Variants in CPNE5 observed in about 807,000 individuals in gnomAD.
The protein encoded by CPNE5 is copine 5.
A neutral mutation model predicts 81.1 loss-of-function variants in CPNE5; 42 were observed. The observed-to-expected ratio is 0.52, with a 90% CI of 0.40 to 0.67. The LOEUF is 0.67. CPNE5 is among the 30% of genes least tolerant of loss of function. CPNE5 has a pLI of 0.00. For synonymous variants in CPNE5, 313 were observed against 321.5 expected, an observed-to-expected ratio of 0.97 and a Z score of 0.28; for missense variants, 612 against 815.5, an observed-to-expected ratio of 0.75 and a Z score of 3.04.
Position 36,745,510 on chromosome 6 carries a change from G to A in CPNE5, c.1206C>T (p.Gly402=). 4 of 1,599,318 alleles carry A rather than the reference G, an allele frequency of 2.5e-6. No homozygotes were observed. Among genetic ancestry groups the A allele is most frequent in the Non-Finnish European group, 3.4e-6 (4 of 1,173,208 alleles). ...CACAGCATGAGGGGTTCTCCTGGTT[G>A]CCATTCTGGGGGACAGAGGGCAGGG... ...GRVSHEFPLN[G]NQENPSCCGI... Residue 402 remains glycine, a synonymous_variant, in exon 17 of 21, where the codon GGC becomes GGT. Transcript: ENST00000244751.
chr6:36,769,517 G>T (rs1308475112), intron 10 of CPNE5, among the ~76,000 whole-genome samples: 1 of 152,244 alleles, frequency 6.6e-6, no homozygotes. Flanking sequence ...CCTCTGCCTG[G>T]CAGGGGGAAG....
In CPNE5 at chr6:36,813,485, C is replaced by T. The variant is rs142754027; in HGVS notation, c.183+8629G>A. Reference sequence around the variant, plus strand: ...GGCAGAGGTTTCAGTGAGCTGAGATCGAGCCATTGCACTCCAGCCTGGGCA... The same window carrying T: ...GGCAGAGGTTTCAGTGAGCTGAGATTGAGCCATTGCACTCCAGCCTGGGCA... On this transcript the variant is annotated intron_variant, in intron 3 of 20. Coordinates refer to ENST00000244751, the MANE Select transcript of CPNE5 (RefSeq NM_020939.2). 2.2e-3 allele frequency among the ~76,000 whole-genome samples: 329 copies of T among 152,228 alleles called. 1 individual carries two copies. Among genetic ancestry groups the T allele is most frequent in the Middle Eastern group, 0.01 (3 of 294 alleles).
At chr6:36,819,575 G>A (rs1447116096) in intron 3 of CPNE5, among the ~76,000 whole-genome samples, 1 of 152,208 alleles carries the variant, frequency 6.6e-6, no homozygotes, top group East Asian at 1.9e-4. Flanking sequence ...CATTAATAAA[G>A]CCTGGGTTAC....
intron 1 of CPNE5, among the ~76,000 whole-genome samples, chr6:36,834,845 C>T (rs1002444642): frequency 3.9e-5 from 6 of 152,096 alleles, no homozygotes; most frequent in East Asian, 1.9e-4. Context: ...TGACAGCTGC[C>T]GCCCTCCCCC....
At chr6:36,819,396 G>A (rs59432677) in intron 3 of CPNE5, among the ~76,000 whole-genome samples, 3,420 of 152,326 alleles carry the variant, frequency 0.022, 65 homozygotes, top group African/African-American at 0.046. Context: ...CACGGCGTCT[G>A]GCCCCCACAT....
At chr6:36,794,541 C>T in intron 7 of CPNE5, 49 bp downstream of exon 7, 1 of 1,566,012 alleles carries the variant, frequency 6.4e-7, no homozygotes, top group African/African-American at 1.4e-5. Flanking sequence ...CTTTGCAGAG[C>T]TGGCTGAATG....
chr6:36,752,838 T>C (rs1300430607), intron 14 of CPNE5, among the ~76,000 whole-genome samples, 196 bp downstream of exon 14: 1 of 152,242 alleles, frequency 6.6e-6, no homozygotes. Flanking sequence ...CCCTCCAAGC[T>C]GCTTGGGATC....
At chr6:36,788,688 G>GTATTAC (rs61131240) in intron 8 of CPNE5, among the ~76,000 whole-genome samples, 1 of 152,006 alleles carries the variant, frequency 6.6e-6, no homozygotes, top group Admixed American at 6.5e-5. Flanking sequence ...TTTTACTGCT[G>GTATTAC]AGCAGAATTG....
intron 7 of CPNE5, among the ~76,000 whole-genome samples, chr6:36,792,728 C>T (rs1480609178): frequency 6.6e-6 from 1 of 152,152 alleles, no homozygotes; most frequent in Admixed American, 6.5e-5. Context: ...GTCGGTCCAC[C>T]CCAGCACATC....
chr6:36,813,102 G>T (rs1771241610), intron 3 of CPNE5, among the ~76,000 whole-genome samples: 2 of 152,206 alleles, frequency 1.3e-5, no homozygotes, highest in Admixed American at 1.3e-4. Flanking sequence ...GCCCACCACA[G>T]TCTTATTCCA....
At chr6:36,745,940 C>A (rs192942513) in intron 16 of CPNE5, among the ~76,000 whole-genome samples, 41 of 152,308 alleles carry the variant, frequency 2.7e-4, no homozygotes, top group Non-Finnish European at 3.2e-4. Context: ...GTGTCCCCAG[C>A]TCGTGGGAGC....
intron 7 of CPNE5, chr6:36,792,511 G>A (rs924912005): frequency 1.1e-5 from 8 of 714,654 alleles, no homozygotes; most frequent in South Asian, 2.9e-5. Flanking sequence ...CCAGCGTCCC[G>A]GGACAGTCCA....
intron 8 of CPNE5, among the ~76,000 whole-genome samples, chr6:36,790,494 A>G (rs755213953): frequency 2.0e-5 from 3 of 152,256 alleles, no homozygotes; most frequent in Non-Finnish European, 4.4e-5. Flanking sequence ...GATGTCTTCC[A>G]TTAAGTCAGA....
chr6:36,763,863 G>A (rs980985622), intron 11 of CPNE5, among the ~76,000 whole-genome samples: 3 of 129,176 alleles, frequency 2.3e-5, no homozygotes, highest in Non-Finnish European at 4.7e-5. Context: ...CAATGAGAGC[G>A]ATGTCCAGCT....
At chr6:36,774,037 G>A (rs1162550025) in intron 10 of CPNE5, among the ~76,000 whole-genome samples, 1 of 150,246 alleles carries the variant, frequency 6.7e-6, no homozygotes, top group Non-Finnish European at 1.5e-5. Flanking sequence ...ATGAGAAAAT[G>A]TCCCTTCACT....
At chr6:36,777,571 G>A (rs1767623852) in intron 9 of CPNE5, among the ~76,000 whole-genome samples, 1 of 152,134 alleles carries the variant, frequency 6.6e-6, no homozygotes, top group South Asian at 2.1e-4. Flanking sequence ...ATGAAGTCAA[G>A]TCAAAGTCAA....
chr6:36,756,137 ACGCTCAGCCCCT>A, intron 13 of CPNE5, 96 bp downstream of exon 13: 1 of 615,302 alleles, frequency 1.6e-6, no homozygotes, highest in Non-Finnish European at 2.6e-6. Context: ...TCTGATTCCC[ACGCTCAGCCCCT>A]GCACACACAC....
Position 36,803,301 on chromosome 6 carries a change from G to A in CPNE5, c.184-3231C>T, listed in dbSNP as rs183167413. 2.6e-4 allele frequency among the ~76,000 whole-genome samples: 39 copies of A among 152,184 alleles called. No individual in the cohort carries two copies. The East Asian group carries it at 6.4e-3, about 25-fold the overall frequency. ...CCAATTCCTAATGCTTGGAGCCTCC[G>A]CTCCCTGGCCATCCTGTTCTCCAAC... On this transcript the variant is annotated intron_variant, in intron 3 of 20. Coordinates refer to ENST00000244751, the MANE Select transcript of CPNE5 (RefSeq NM_020939.2).
At chr6:36,827,869 C>T (rs1198806326) in intron 1 of CPNE5, 4 of 449,658 alleles carry the variant, frequency 8.9e-6, no homozygotes, top group South Asian at 1.2e-4. Context: ...GCAGGAAAAA[C>T]GTATTTTTTT....
Sources: allele counts gnomAD v4.1 joint callset (sites outside exome capture counted in the v4.1 genomes callset), GRCh38; gene constraint gnomAD v4.1.1; transcripts MANE v1.5; gene names NCBI Gene and HGNC (gene_info 2026-07-23, HGNC 2026-07-21).